Variants in ABHD3 observed in about 807,000 individuals in gnomAD.
The protein encoded by ABHD3 is abhydrolase domain containing 3, phospholipase, also known as phospholipase ABHD3.
ABHD3 carries 46 observed loss-of-function variants against 48.8 expected under a neutral mutation model. The observed-to-expected ratio is 0.94, with a 90% confidence interval of 0.74 to 1.20. The LOEUF is 1.20. ABHD3 is among the 50% of genes most tolerant of loss of function. ABHD3 has a pLI of 0.00. For missense variants in ABHD3, 490 were observed against 497.8 expected, an observed-to-expected ratio of 0.98 and a Z score of 0.15; for synonymous variants, 192 against 183.7, an observed-to-expected ratio of 1.04 and a Z score of -0.36.
At chr18:21,677,449 C>T (rs1287229068) in intron 4 of ABHD3, among the ~76,000 whole-genome samples, 1 of 151,794 alleles carries the variant, frequency 6.6e-6, no homozygotes, top group East Asian at 1.9e-4. Flanking sequence ...TCGTGACCCG[C>T]CCGCCTGGGC....
intron 4 of ABHD3, among the ~76,000 whole-genome samples, chr18:21,673,302 A>G (rs1051357060): frequency 2.0e-5 from 3 of 152,092 alleles, no homozygotes; most frequent in South Asian, 2.1e-4. Context: ...TCAGGGATCA[A>G]TATTTTTTGA....
intron 4 of ABHD3, among the ~76,000 whole-genome samples, chr18:21,679,742 G>T (rs560646546): frequency 6.6e-6 from 1 of 152,188 alleles, no homozygotes; most frequent in Non-Finnish European, 1.5e-5. Context: ...GGCCAGACTG[G>T]TCTCAAACTC....
chr18:21,676,202 T>TA (rs1325402515), intron 4 of ABHD3, among the ~76,000 whole-genome samples: 8 of 152,206 alleles, frequency 5.3e-5, no homozygotes, highest in Non-Finnish European at 1.2e-4. Context: ...TCATGATGTG[T>TA]AGAAAGTGCT....
intron 6 of ABHD3, 49 bp downstream of exon 6, chr18:21,659,121 G>A (rs748967866): frequency 2.5e-6 from 4 of 1,572,104 alleles, no homozygotes; most frequent in Middle Eastern, 1.7e-4. Context: ...TTACAGGCGT[G>A]AGCCACCGGG....
chr18:21,704,374 T>C (rs1473107481), intron 1 of ABHD3, 130 bp downstream of exon 1: 13 of 1,020,962 alleles, frequency 1.3e-5, no homozygotes, highest in Non-Finnish European at 1.6e-5. Flanking sequence ...CGCTGGGGGC[T>C]GCCGCTCGGG....
intron 4 of ABHD3, among the ~76,000 whole-genome samples, chr18:21,664,923 G>A (rs1422329012): frequency 1.3e-5 from 2 of 152,162 alleles, no homozygotes; most frequent in African/African-American, 4.8e-5. Context: ...GTGTGAGCCT[G>A]TGCCTGGCCC....
At chr18:21,660,618 A>T (rs2039470275) in intron 5 of ABHD3, among the ~76,000 whole-genome samples, 1 of 152,174 alleles carries the variant, frequency 6.6e-6, no homozygotes, top group African/African-American at 2.4e-5. Flanking sequence ...TGATTTCTTC[A>T]ATTGTCCATG....
chr18:21,701,650 A>G (rs904544937), intron 3 of ABHD3: 1 of 152,222 alleles, frequency 6.6e-6, no homozygotes, highest in Non-Finnish European at 1.5e-5. Context: ...TGAGGCACAA[A>G]AAAGCAGTAC....
intron 5 of ABHD3, among the ~76,000 whole-genome samples, chr18:21,660,317 C>T (rs772406029): frequency 6.6e-6 from 1 of 151,746 alleles, no homozygotes. Flanking sequence ...CACCCTGTGG[C>T]AAGTTTCTAA....
In ABHD3 at chr18:21,663,764, A is replaced by C. The variant is rs1325435367; in HGVS notation, c.668+354T>G. The stretch of plus-strand genomic sequence containing the variant: ...TAACTGGAGTGATGAAAGTCATGCT[A>C]CAAGTTCAGCTTCAGAACGCAGCTC... On this transcript the variant is annotated intron_variant, in intron 5 of 8. Transcript: ENST00000289119. 3.3e-6 allele frequency: 5 copies of C among 1,535,424 alleles called. No homozygotes were observed. The East Asian group carries it at 7.3e-5, about 23-fold the overall frequency.
At chr18:21,676,240 C>T (rs982522313) in intron 4 of ABHD3, among the ~76,000 whole-genome samples, 9 of 152,202 alleles carry the variant, frequency 5.9e-5, no homozygotes, top group Non-Finnish European at 8.8e-5. Context: ...CAGCTCTGAA[C>T]TCATCCACCA....
chr18:21,702,369 G>A lies in ABHD3; in HGVS notation c.456C>T (p.Ser152=). Residue 152 remains serine, a synonymous_variant, in exon 3 of 9, where the codon AGC becomes AGT. Transcript: ENST00000289119. The part of the protein sequence containing the change: ...ILLLPGLTGT[S]KESYILHMIH... The stretch of plus-strand genomic sequence containing the variant: ...TCATATGAAGGATATATGACTCCTT[G>A]CTTGTTCCCGTGAGGCCAGGCAACA... 1 of 1,613,844 alleles carries A rather than the reference G, an allele frequency of 6.2e-7. No homozygotes were observed. Among genetic ancestry groups the A allele is most frequent in the East Asian group, 2.2e-5 (1 of 44,854 alleles).
intron 3 of ABHD3, chr18:21,701,375 T>G (rs7234061): frequency 0.53 from 80,288 of 151,980 alleles, 24,928 homozygotes; most frequent in African/African-American, 0.87. Context: ...CACCATGCCC[T>G]GCTAATTTTT....
intron 4 of ABHD3, among the ~76,000 whole-genome samples, chr18:21,672,184 T>G (rs1196613590): frequency 6.6e-6 from 1 of 152,120 alleles, no homozygotes; most frequent in African/African-American, 2.4e-5. Context: ...AATTTAAAAT[T>G]CTTTTCATTA....
At chr18:21,653,504 G>A (rs1279349939) in intron 8 of ABHD3, among the ~76,000 whole-genome samples, 2 of 151,700 alleles carry the variant, frequency 1.3e-5, no homozygotes, top group Admixed American at 1.3e-4. Flanking sequence ...CATGCTTAGA[G>A]GTCAGTGAAA....
intron 3 of ABHD3, among the ~76,000 whole-genome samples, chr18:21,686,894 G>A (rs975910732): frequency 2.6e-5 from 4 of 152,104 alleles, no homozygotes. Flanking sequence ...CTATTCCTAA[G>A]GCATTGAAAA....
intron 4 of ABHD3, 95 bp downstream of exon 4, chr18:21,683,825 C>T: frequency 2.4e-6 from 3 of 1,244,070 alleles, no homozygotes; most frequent in Non-Finnish European, 3.3e-6. Context: ...CTTACATAAA[C>T]AGAGTTATTT....
chr18:21,671,786 C>T (rs1360259923), intron 4 of ABHD3, among the ~76,000 whole-genome samples: 2 of 152,096 alleles, frequency 1.3e-5, no homozygotes, highest in African/African-American at 4.8e-5. Flanking sequence ...AGAGCAATGA[C>T]AGTAATTTAT....
intron 5 of ABHD3, chr18:21,663,652 C>T: frequency 6.6e-7 from 1 of 1,521,874 alleles, no homozygotes; most frequent in Non-Finnish European, 8.8e-7. Context: ...TGCCCAGCAA[C>T]AAAACAAAAC....
Sources: gnomAD v4.1 joint callset for allele counts (sites outside exome capture counted in the v4.1 genomes callset) on GRCh38, gnomAD v4.1.1 for gene constraint, MANE v1.5 for transcripts, NCBI Gene and HGNC (gene_info 2026-07-23, HGNC 2026-07-21) for gene names.